BIRC5: variants seen among roughly 807,000 people sequenced by gnomAD.
BIRC5 encodes the protein baculoviral IAP repeat-containing protein 5.
Under a neutral mutation model 15.8 loss-of-function variants are expected in BIRC5, and 8 were observed. The observed-to-expected ratio is 0.51, with a 90% CI of 0.30 to 0.91. The LOEUF (loss-of-function observed/expected upper bound fraction) is 0.91. Among genes scored for constraint, BIRC5 ranks in the 40% least tolerant of loss-of-function variants. The pLI, the probability that BIRC5 is intolerant of heterozygous loss-of-function variation, is 0.07. For synonymous variants in BIRC5, 56 were observed against 64.5 expected (o/e 0.87, Z 0.63); for missense variants, 163 against 178.6 (o/e 0.91, Z 0.50).
chr17:78,222,963 G>A (rs570606608), intron 3 of BIRC5: 33 of 1,512,002 alleles, frequency 2.2e-5, no homozygotes, highest in Non-Finnish European at 2.4e-5. Context: ...GGAAGGCTCT[G>A]GACTTTCCTC....
chr17:78,216,793 G>A lies in BIRC5; in HGVS notation c.339+12G>A, dbSNP rs759424249. 2.2e-5 allele frequency: 35 copies of A among 1,592,126 alleles called. No homozygotes were observed. The highest frequency in any genetic ancestry group is 2.8e-5 in the Non-Finnish European group (33 of 1,162,012). On this transcript the variant is annotated intron_variant, in intron 3 of 3. Coordinates refer to ENST00000350051, the MANE Select transcript of BIRC5 (RefSeq NM_001168.3). ...CCAAGAACAAAATTGTATGTATTGG[G>A]AATAAGAACTGCTCAAACCCTGTTC...
chr17:78,217,069 G>A (rs2076483678), intron 3 of BIRC5, among the ~76,000 whole-genome samples: 1 of 151,700 alleles, frequency 6.6e-6, no homozygotes, highest in Admixed American at 6.6e-5. Context: ...TAGTAGAGAT[G>A]GGGTTTCACC....
intron 2 of BIRC5, among the ~76,000 whole-genome samples, chr17:78,215,584 G>A (rs1471241180): frequency 1.3e-5 from 2 of 151,780 alleles, no homozygotes; most frequent in South Asian, 2.1e-4. Flanking sequence ...TTTTTCTGTC[G>A]GATTCAGTTG....
In BIRC5 at chr17:78,216,688, C is replaced by T. The variant is rs766217359; in HGVS notation, c.246C>T (p.Ser82=). Residue 82 remains serine, a synonymous_variant, in exon 3 of 4, where the codon TCC becomes TCT. Transcript: ENST00000350051. ...GAGAGGAACATAAAAAGCATTCGTCCGGTTGCGCTTTCCTTTCTGTCAAGA... is the reference window on the plus strand; with the variant it reads ...GAGAGGAACATAAAAAGCATTCGTCTGGTTGCGCTTTCCTTTCTGTCAAGA... The part of the protein sequence containing the change: ...DPIEEHKKHS[S]GCAFLSVKKQ... The T allele has an allele frequency of 1.5e-5, 24 of 1,613,590 alleles. No individual in the cohort carries two copies. Among genetic ancestry groups the T allele is most frequent in the African/African-American group, 1.1e-4 (8 of 74,896 alleles).
In BIRC5 at chr17:78,223,889, T is replaced by G. The variant is rs907451552; in HGVS notation, c.*335T>G. On this transcript the variant is annotated 3_prime_UTR_variant, in exon 4 of 4. Coordinates refer to ENST00000350051, the MANE Select transcript of BIRC5 (RefSeq NM_001168.3). ...TGTCCCTTTTGCTAGAGCTGACAGCTTTGTTCGCGTGGGCAGAGCCTTCCA... is the reference window on the plus strand; with the variant it reads ...TGTCCCTTTTGCTAGAGCTGACAGCGTTGTTCGCGTGGGCAGAGCCTTCCA... The G allele has an allele frequency of 4.7e-6, 2 of 425,550 alleles. No individual in the cohort carries two copies. Among genetic ancestry groups the G allele is most frequent in the African/African-American group, 4.1e-5 (2 of 49,254 alleles). The allele number at this position is 425,550 out of a possible 1,614,324, so 26.4% of individuals were successfully genotyped here.
chr17:78,216,386 C>T (rs984392657), intron 2 of BIRC5: 5 of 351,310 alleles, frequency 1.4e-5, no homozygotes, highest in Non-Finnish European at 2.7e-5. Flanking sequence ...CCATGTAACA[C>T]TTTTCCAACT....
rs549440017 is a variant in BIRC5 at position 78,217,309 on chromosome 17, G to A, written c.339+528G>A. 1.3e-4 allele frequency among the ~76,000 whole-genome samples: 20 copies of A among 151,412 alleles called. No homozygotes were observed. The South Asian group carries it at 3.6e-3, about 27-fold the overall frequency. ...GCCTGCTTCAGCCTCCCAAGTAGCCGAGATTACAGGCATGTGCCACCACAC... is the reference window on the plus strand; with the variant it reads ...GCCTGCTTCAGCCTCCCAAGTAGCCAAGATTACAGGCATGTGCCACCACAC... On this transcript the variant is annotated intron_variant, in intron 3 of 3. Coordinates refer to ENST00000350051, the MANE Select transcript of BIRC5 (RefSeq NM_001168.3).
chr17:78,221,730 G>C (rs1384130480), intron 3 of BIRC5, among the ~76,000 whole-genome samples: 1 of 152,192 alleles, frequency 6.6e-6, no homozygotes, highest in Non-Finnish European at 1.5e-5. Flanking sequence ...ACATTGGGGT[G>C]GTTAAATTAT....
At chr17:78,221,117 G>A (rs1001304179) in intron 3 of BIRC5, among the ~76,000 whole-genome samples, 2 of 152,208 alleles carry the variant, frequency 1.3e-5, no homozygotes, top group Admixed American at 6.5e-5. Flanking sequence ...TGTGAAAATC[G>A]ATCAGGAAAT....
At chr17:78,222,003 G>A (rs998151449) in intron 3 of BIRC5, among the ~76,000 whole-genome samples, 1 of 151,844 alleles carries the variant, frequency 6.6e-6, no homozygotes, top group Non-Finnish European at 1.5e-5. Flanking sequence ...TTTGAGGCGA[G>A]CCTGGGCAAT....
In BIRC5 at chr17:78,225,543, C is replaced by A. The variant is rs912474162; in HGVS notation, c.*1989C>A. 3.3e-5 allele frequency: 5 copies of A among 152,244 alleles called. No homozygotes were observed. Among genetic ancestry groups the A allele is most frequent in the African/African-American group, 1.2e-4 (5 of 41,468 alleles). The allele number at this position is 152,244 out of a possible 1,614,324, so 9.4% of individuals were successfully genotyped here. ...AGCAGTGCCCGCTGCCCAGAAGAGACCAGCAAGCCAAACTGGAGCCCCCAT... is the reference window on the plus strand; with the variant it reads ...AGCAGTGCCCGCTGCCCAGAAGAGAACAGCAAGCCAAACTGGAGCCCCCAT... On this transcript the variant is annotated 3_prime_UTR_variant, in exon 4 of 4. Transcript: ENST00000350051.
chr17:78,216,615 C>T (rs193282345), intron 2 of BIRC5, 49 bp from the exon 3 acceptor site: 31 of 1,558,354 alleles, frequency 2.0e-5, no homozygotes, highest in Middle Eastern at 1.7e-4. Context: ...AGTGGACTGC[C>T]GCTTTAATCC....
chr17:78,214,393 C>G lies in BIRC5; in HGVS notation c.77C>G (p.Pro26Arg). ...CGCATCTCTACATTCAAGAACTGGC[C>G]CTTCTTGGAGGGCTGCGCCTGCACC... ...DHRISTFKNW[P>R]FLEGCACTPE... Residue 26 changes from proline to arginine, a missense_variant, in exon 1 of 4, where the codon CCC (proline) becomes CGC (arginine). Pro to Arg is a moderately radical substitution (Grantham distance 103). Transcript: ENST00000350051. 2 of 1,599,454 alleles carry G rather than the reference C, an allele frequency of 1.3e-6. No individual in the cohort carries two copies. The highest frequency in any genetic ancestry group is 1.7e-6 in the Non-Finnish European group (2 of 1,172,760).
intron 2 of BIRC5, chr17:78,216,385 A>T (rs901753971): frequency 2.8e-6 from 1 of 352,560 alleles, no homozygotes; most frequent in Non-Finnish European, 5.4e-6. Context: ...ACCATGTAAC[A>T]CTTTTCCAAC....
chr17:78,217,422 C>T (rs1359893308), intron 3 of BIRC5, among the ~76,000 whole-genome samples: 6 of 149,146 alleles, frequency 4.0e-5, no homozygotes, highest in Non-Finnish European at 9.0e-5. Context: ...GTGATCCACC[C>T]GCCTCAGCCT....
chr17:78,221,493 C>T lies in BIRC5; in HGVS notation c.340-1972C>T, dbSNP rs1440597911. ...CCAGGCTGGAGTGCAGTGGCGTGAT[C>T]TCGGCTGACGGCAAGCTCCGCCTCC... On this transcript the variant is annotated intron_variant, in intron 3 of 3. Transcript: ENST00000350051. Among the ~76,000 whole-genome samples, 4 of 152,078 alleles carry T rather than the reference C, an allele frequency of 2.6e-5. No homozygotes were observed. In the East Asian group the frequency reaches 7.7e-4, roughly 29 times the overall value.
chr17:78,218,339 G>C (rs2076494015), intron 3 of BIRC5, among the ~76,000 whole-genome samples: 1 of 151,196 alleles, frequency 6.6e-6, no homozygotes, highest in Non-Finnish European at 1.5e-5. Flanking sequence ...TGTCACCCAG[G>C]CTGGAGTGCA....
At chr17:78,223,080 G>A (rs2076526042) in intron 3 of BIRC5, 12 of 1,045,640 alleles carry the variant, frequency 1.1e-5, no homozygotes, top group African/African-American at 1.7e-5. Flanking sequence ...GGGGTGCCTA[G>A]ACTAGCTGGG....
chr17:78,219,478 C>A (rs563048210), intron 3 of BIRC5, among the ~76,000 whole-genome samples: 1 of 152,322 alleles, frequency 6.6e-6, no homozygotes, highest in East Asian at 1.9e-4. Flanking sequence ...AACCACCACA[C>A]CTGGCCTCAA....
Sources: gnomAD v4.1 joint callset for allele counts (sites outside exome capture counted in the v4.1 genomes callset) on GRCh38, gnomAD v4.1.1 for gene constraint, MANE v1.5 for transcripts, NCBI Gene and HGNC (gene_info 2026-07-23, HGNC 2026-07-21) for gene names.